ITGBL1: variants seen among roughly 807,000 people sequenced by gnomAD.
ITGBL1 encodes the protein integrin beta-like protein 1.
ITGBL1 carries 51 observed loss-of-function variants against 68.5 expected under a neutral mutation model. That is an observed-to-expected ratio of 0.74 (90% confidence interval 0.59 to 0.94). The LOEUF is 0.94. ITGBL1 is among the 40% of genes least tolerant of loss of function. ITGBL1 has a pLI of 0.00. For missense variants in ITGBL1, 649 were observed against 647.4 expected, an observed-to-expected ratio of 1.00 and a Z score of -0.03; for synonymous variants, 209 against 227.3, an observed-to-expected ratio of 0.92 and a Z score of 0.72.
At chr13:101,457,817 A>G (rs556931892) in intron 2 of ITGBL1, among the ~76,000 whole-genome samples, 3 of 152,320 alleles carry the variant, frequency 2.0e-5, no homozygotes, top group African/African-American at 7.2e-5. Flanking sequence ...CTCCATCACA[A>G]AAAAGGAAAG....
At chr13:101,682,651 T>A (rs769551994) in intron 7 of ITGBL1, among the ~76,000 whole-genome samples, 1 of 152,066 alleles carries the variant, frequency 6.6e-6, no homozygotes, top group Non-Finnish European at 1.5e-5. Context: ...CAGTTCATTT[T>A]TCTTTTGCTC....
At chr13:101,489,493 C>T (rs904350198) in intron 2 of ITGBL1, among the ~76,000 whole-genome samples, 1 of 152,078 alleles carries the variant, frequency 6.6e-6, no homozygotes, top group African/African-American at 2.4e-5. Context: ...ATAGGAGGGG[C>T]TCAATATAAT....
At chr13:101,583,389 G>A in intron 6 of ITGBL1, 33 bp downstream of exon 6, 1 of 1,427,492 alleles carries the variant, frequency 7.0e-7, no homozygotes, top group Non-Finnish European at 9.2e-7. Context: ...TTTTTCTGGA[G>A]GGGGAGGTGG....
intron 6 of ITGBL1, among the ~76,000 whole-genome samples, chr13:101,588,166 T>A (rs2139300951): frequency 6.6e-6 from 1 of 152,300 alleles, no homozygotes; most frequent in South Asian, 2.1e-4. Context: ...AATTCCTGCC[T>A]TCCCAGCATG....
intron 2 of ITGBL1, among the ~76,000 whole-genome samples, chr13:101,462,121 C>T (rs1385445457): frequency 6.6e-6 from 1 of 152,252 alleles, no homozygotes; most frequent in African/African-American, 2.4e-5. Context: ...ACAAGTACCC[C>T]ACTCCCAAAT....
At chr13:101,474,220 C>T (rs1311673742) in intron 2 of ITGBL1, among the ~76,000 whole-genome samples, 2 of 152,124 alleles carry the variant, frequency 1.3e-5, no homozygotes, top group East Asian at 3.9e-4. Flanking sequence ...GGGAAGCCCA[C>T]TGCCCTGAAG....
intron 7 of ITGBL1, among the ~76,000 whole-genome samples, chr13:101,672,888 T>C (rs2033411966): frequency 6.6e-6 from 1 of 152,150 alleles, no homozygotes; most frequent in Non-Finnish European, 1.5e-5. Context: ...CCACTTCACT[T>C]GTAGGTTCCT....
chr13:101,474,131 G>C (rs1440801770), intron 2 of ITGBL1, among the ~76,000 whole-genome samples: 1 of 152,184 alleles, frequency 6.6e-6, no homozygotes, highest in Non-Finnish European at 1.5e-5. Context: ...AGAGGATCAA[G>C]TGAATCCCTG....
At chr13:101,466,891 G>T (rs1429558116) in intron 2 of ITGBL1, among the ~76,000 whole-genome samples, 4 of 152,100 alleles carry the variant, frequency 2.6e-5, no homozygotes, top group Admixed American at 6.5e-5. Context: ...GTCCATTCAG[G>T]CTGCTGTAAC....
At chr13:101,590,131 A>G (rs1370170293) in intron 6 of ITGBL1, among the ~76,000 whole-genome samples, 1 of 152,220 alleles carries the variant, frequency 6.6e-6, no homozygotes, top group Non-Finnish European at 1.5e-5. Context: ...ACGAAAAATT[A>G]TTAAGGCTTC....
At chr13:101,594,418 T>A (rs1009418875) in intron 6 of ITGBL1, among the ~76,000 whole-genome samples, 1 of 152,174 alleles carries the variant, frequency 6.6e-6, no homozygotes, top group Non-Finnish European at 1.5e-5. Flanking sequence ...TCATACTGTA[T>A]ATAAAAATCA....
chr13:101,458,743 G>C (rs568811384), intron 2 of ITGBL1, among the ~76,000 whole-genome samples: 2 of 152,146 alleles, frequency 1.3e-5, no homozygotes, highest in African/African-American at 4.8e-5. Flanking sequence ...CAATGTAAAT[G>C]CTATGTAAAT....
chr13:101,653,962 C>T (rs760779760), intron 7 of ITGBL1, among the ~76,000 whole-genome samples: 3 of 150,974 alleles, frequency 2.0e-5, no homozygotes, highest in South Asian at 2.1e-4. Context: ...TGCCCACCTC[C>T]GCCTCCTAAA....
chr13:101,488,339 A>G (rs2048728914), intron 2 of ITGBL1, among the ~76,000 whole-genome samples: 2 of 152,238 alleles, frequency 1.3e-5, no homozygotes, highest in Admixed American at 6.5e-5. Flanking sequence ...CTGACTCTCT[A>G]TAATGGCAGA....
chr13:101,691,019 A>G (rs1198189201), intron 7 of ITGBL1, among the ~76,000 whole-genome samples: 1 of 152,192 alleles, frequency 6.6e-6, no homozygotes, highest in African/African-American at 2.4e-5. Context: ...TGCTGCCATC[A>G]CTTCTGAATG....
intron 2 of ITGBL1, among the ~76,000 whole-genome samples, chr13:101,533,019 A>G (rs916754092): frequency 2.0e-5 from 3 of 152,218 alleles, no homozygotes; most frequent in Non-Finnish European, 4.4e-5. Flanking sequence ...CCAAAGCTGA[A>G]TATCATCATC....
chr13:101,544,745 C>T (rs181399746), intron 2 of ITGBL1, among the ~76,000 whole-genome samples: 165 of 152,280 alleles, frequency 1.1e-3, no homozygotes, highest in Non-Finnish European at 2.0e-3. Flanking sequence ...TCTCAAGCCT[C>T]GGCAATGGCG....
intron 7 of ITGBL1, among the ~76,000 whole-genome samples, chr13:101,624,088 G>C (rs1206111641): frequency 6.6e-6 from 1 of 152,160 alleles, no homozygotes; most frequent in Non-Finnish European, 1.5e-5. Flanking sequence ...ATGCTTAGAT[G>C]TTTACTAGGT....
intron 2 of ITGBL1, among the ~76,000 whole-genome samples, chr13:101,485,994 G>A (rs2048697258): frequency 6.6e-6 from 1 of 152,066 alleles, no homozygotes; most frequent in African/African-American, 2.4e-5. Context: ...TCCCACTCCT[G>A]GGTATCTACC....
Sources: allele counts gnomAD v4.1 joint callset (sites outside exome capture counted in the v4.1 genomes callset), GRCh38; gene constraint gnomAD v4.1.1; transcripts MANE v1.5; gene names NCBI Gene and HGNC (gene_info 2026-07-23, HGNC 2026-07-21).